IL1RAPL1: variants seen among roughly 807,000 people sequenced by gnomAD.
The protein encoded by IL1RAPL1 is interleukin 1 receptor accessory protein like 1.
A neutral mutation model predicts 48.4 loss-of-function variants in IL1RAPL1; 3 were observed. The ratio of observed to expected loss-of-function variants is 0.06; its 90% CI spans 0.03 to 0.16. The LOEUF (loss-of-function observed/expected upper bound fraction) is 0.16, where lower values mean the gene tolerates loss of function less well. Among genes scored for constraint, IL1RAPL1 ranks in the 10% least tolerant of loss-of-function variants. The pLI is 1.00. For missense variants in IL1RAPL1, 349 were observed against 530.6 expected (o/e 0.66, Z 3.36); for synonymous variants, 185 against 187.7 (o/e 0.99, Z 0.12).
intron 5 of IL1RAPL1, among the ~76,000 whole-genome samples, chrX:29,478,186 T>C (rs1330679654): frequency 8.9e-6 from 1 of 112,138 alleles, no homozygotes; most frequent in Non-Finnish European, 1.9e-5. Context: ...ACACCCAGAA[T>C]TGAGCATCTG....
intron 6 of IL1RAPL1, among the ~76,000 whole-genome samples, chrX:29,895,529 G>A (rs192239442): frequency 8.9e-6 from 1 of 112,776 alleles, no homozygotes; most frequent in African/African-American, 3.2e-5. Flanking sequence ...TGCAGCCTGG[G>A]CTACCGAGCG....
At chrX:29,463,586 T>C (rs1159748877) in intron 5 of IL1RAPL1, among the ~76,000 whole-genome samples, 2 of 111,733 alleles carry the variant, frequency 1.8e-5, no homozygotes, top group Non-Finnish European at 3.8e-5. Context: ...TAAGAATAAC[T>C]TAATTACCCA....
chrX:29,469,403 T>C lies in IL1RAPL1; in HGVS notation c.703+70095T>C, dbSNP rs765743452. ...ATATTAAGGAAATCCAGGACAACTA[T>C]GTACATATATATTGTAGCTAGAGGC... On this transcript the variant is annotated intron_variant, in intron 5 of 10. Transcript: ENST00000378993. Among the ~76,000 whole-genome samples, 5 of 112,311 alleles carry C rather than the reference T, an allele frequency of 4.5e-5. No individual in the cohort carries two copies. The South Asian group carries it at 1.8e-3, about 41-fold the overall frequency.
chrX:29,370,325 A>G (rs934990749), intron 3 of IL1RAPL1, among the ~76,000 whole-genome samples: 1 of 86,216 alleles, frequency 1.2e-5, no homozygotes, highest in Non-Finnish European at 2.4e-5. Context: ...TTTTGTTGCC[A>G]TTATGACATG....
At chrX:28,684,847 G>C (rs1235049809) in intron 1 of IL1RAPL1, among the ~76,000 whole-genome samples, 2 of 112,071 alleles carry the variant, frequency 1.8e-5, no homozygotes. Flanking sequence ...AGTGAAACTT[G>C]TGGTTTTAAT....
chrX:29,690,838 G>T (rs1601780817), intron 6 of IL1RAPL1, among the ~76,000 whole-genome samples: 1 of 111,721 alleles, frequency 9.0e-6, no homozygotes. Flanking sequence ...TCAAGTTAAT[G>T]TACTAGCGAG....
chrX:28,972,958 C>A (rs1241251455), intron 2 of IL1RAPL1, among the ~76,000 whole-genome samples: 1 of 111,195 alleles, frequency 9.0e-6, no homozygotes, highest in Non-Finnish European at 1.9e-5. Flanking sequence ...CCATCCTCAT[C>A]CTGTTGGTCA....
chrX:29,284,737 T>C (rs1932255056), intron 3 of IL1RAPL1, among the ~76,000 whole-genome samples: 2 of 112,000 alleles, frequency 1.8e-5, no homozygotes, highest in African/African-American at 6.5e-5. Flanking sequence ...AGAGCGAGAC[T>C]CTGTCTCAAA....
intron 6 of IL1RAPL1, among the ~76,000 whole-genome samples, chrX:29,757,975 G>A (rs1034204931): frequency 1.1e-4 from 12 of 111,581 alleles, no homozygotes; most frequent in Non-Finnish European, 2.1e-4. Context: ...TGGCAGAAGG[G>A]AGTGAAAAAA....
chrX:29,064,314 C>G (rs759868596), intron 2 of IL1RAPL1, among the ~76,000 whole-genome samples: 1 of 111,771 alleles, frequency 8.9e-6, no homozygotes, highest in Non-Finnish European at 1.9e-5. Flanking sequence ...GAAATAATTA[C>G]TGACCAAATA....
intron 1 of IL1RAPL1, among the ~76,000 whole-genome samples, chrX:28,663,341 T>C (rs1163533620): frequency 8.9e-6 from 1 of 112,173 alleles, no homozygotes; most frequent in Non-Finnish European, 1.9e-5. Context: ...AGTGGTGCTT[T>C]TCAACCTGGG....
chrX:29,407,535 T>C (rs751495705), intron 5 of IL1RAPL1, among the ~76,000 whole-genome samples: 1 of 112,083 alleles, frequency 8.9e-6, no homozygotes, highest in African/African-American at 3.2e-5. Flanking sequence ...CATTAGGGCT[T>C]GTTGTAATTT....
At chrX:29,613,045 A>C (rs1477362494) in intron 5 of IL1RAPL1, among the ~76,000 whole-genome samples, 2 of 112,072 alleles carry the variant, frequency 1.8e-5, no homozygotes, top group African/African-American at 6.5e-5. Flanking sequence ...AGTCTGGCTA[A>C]CTTGTTTAAA....
chrX:28,628,136 G>C (rs1172896797), intron 1 of IL1RAPL1, among the ~76,000 whole-genome samples: 2 of 111,460 alleles, frequency 1.8e-5, no homozygotes, highest in Non-Finnish European at 3.8e-5. Context: ...TGATAATCCA[G>C]CAGGTCAGCC....
rs183132101 is a variant in IL1RAPL1 at position 29,075,418 on chromosome X, G to A, written c.83-207520G>A. Reference sequence around the variant, plus strand: ...TGTACCTATTTGATTGAAAGGGATAGCTAATGTACTCAAAAATTGCTCTTG... The same window carrying A: ...TGTACCTATTTGATTGAAAGGGATAACTAATGTACTCAAAAATTGCTCTTG... On this transcript the variant is annotated intron_variant, in intron 2 of 10. Coordinates refer to ENST00000378993, the MANE Select transcript of IL1RAPL1 (RefSeq NM_014271.4). 3.6e-5 allele frequency among the ~76,000 whole-genome samples: 4 copies of A among 111,749 alleles called. No homozygotes were observed. The East Asian group carries it at 1.1e-3, about 31-fold the overall frequency.
intron 2 of IL1RAPL1, among the ~76,000 whole-genome samples, chrX:29,164,196 T>C (rs225460): frequency 0.43 from 47,387 of 110,446 alleles, 7,792 homozygotes; most frequent in Non-Finnish European, 0.52. Context: ...CGGCACACAT[T>C]ATCAATCAGG....
At chrX:29,116,868 A>G (rs762356706) in intron 2 of IL1RAPL1, among the ~76,000 whole-genome samples, 4 of 111,859 alleles carry the variant, frequency 3.6e-5, no homozygotes, top group Non-Finnish European at 7.5e-5. Flanking sequence ...CACTGGAGAT[A>G]CAGAAGTCAA....
chrX:29,561,155 C>T (rs1332955259), intron 5 of IL1RAPL1, among the ~76,000 whole-genome samples: 2 of 112,382 alleles, frequency 1.8e-5, no homozygotes, highest in African/African-American at 6.5e-5. Flanking sequence ...CAAAGCCAGG[C>T]TGGGTGCTGA....
intron 2 of IL1RAPL1, among the ~76,000 whole-genome samples, chrX:28,966,955 A>G (rs1474029733): frequency 8.9e-6 from 1 of 111,939 alleles, no homozygotes; most frequent in African/African-American, 3.2e-5. Flanking sequence ...GGCCAACTCA[A>G]TTAGGACTGG....
Sources: gnomAD v4.1 joint callset for allele counts (sites outside exome capture counted in the v4.1 genomes callset) on GRCh38, gnomAD v4.1.1 for gene constraint, MANE v1.5 for transcripts, NCBI Gene and HGNC (gene_info 2026-07-23, HGNC 2026-07-21) for gene names.